Variants in SAMTOR observed in about 807,000 individuals in gnomAD.
SAMTOR encodes the protein S-adenosylmethionine sensor upstream of mTORC1, also known as UPF0532 protein C7orf60.
At chr7:112,847,502 G>A in the SAMTOR span, among the ~76,000 whole-genome samples, 1 of 152,186 alleles carries the variant, frequency 6.6e-6, no homozygotes, top group African/African-American at 2.4e-5. Context: ...CTATAGGCCA[G>A]GCATGGTGGC....
the SAMTOR span, among the ~76,000 whole-genome samples, chr7:112,907,103 T>A: frequency 1.3e-5 from 2 of 152,094 alleles, no homozygotes; most frequent in Non-Finnish European, 2.9e-5. Context: ...GCATTGTAAG[T>A]CTTTATGATT....
chr7:112,916,308 T>C, the SAMTOR span, among the ~76,000 whole-genome samples: 14 of 152,334 alleles, frequency 9.2e-5, no homozygotes, highest in South Asian at 2.9e-3. Context: ...AGGACATTAA[T>C]GCAACTGTAA....
the SAMTOR span, among the ~76,000 whole-genome samples, chr7:112,928,054 A>G: frequency 6.6e-6 from 1 of 152,180 alleles, no homozygotes; most frequent in African/African-American, 2.4e-5. Flanking sequence ...GACAACTAGG[A>G]AAGAATAGCA....
chr7:112,938,712 G>A, the SAMTOR span, among the ~76,000 whole-genome samples: 1 of 152,146 alleles, frequency 6.6e-6, no homozygotes, highest in Non-Finnish European at 1.5e-5. Context: ...TTATAAAACA[G>A]CTGTGTACAA....
chr7:112,924,758 C>G, the SAMTOR span, among the ~76,000 whole-genome samples: 1 of 151,558 alleles, frequency 6.6e-6, no homozygotes, highest in Non-Finnish European at 1.5e-5. Context: ...TTAAGGTATT[C>G]GAGTTCAATC....
the SAMTOR span, among the ~76,000 whole-genome samples, chr7:112,822,854 T>C: frequency 1.1e-4 from 16 of 152,270 alleles, no homozygotes; most frequent in African/African-American, 3.8e-4. Flanking sequence ...AAACTTTAGT[T>C]CTTTGAAACT....
chr7:112,848,023 C>T, the SAMTOR span, among the ~76,000 whole-genome samples: 1 of 152,066 alleles, frequency 6.6e-6, no homozygotes, highest in African/African-American at 2.4e-5. Context: ...CATGGTAGTG[C>T]ATGCCTGTAG....
the SAMTOR span, among the ~76,000 whole-genome samples, chr7:112,891,032 T>C: frequency 6.6e-6 from 1 of 152,060 alleles, no homozygotes; most frequent in African/African-American, 2.4e-5. Context: ...GCTTAAAGAA[T>C]CAAAGGAAAA....
chr7:112,928,052 G>A, the SAMTOR span, among the ~76,000 whole-genome samples: 3 of 151,802 alleles, frequency 2.0e-5, no homozygotes, highest in African/African-American at 4.8e-5. Flanking sequence ...ATGACAACTA[G>A]GAAAGAATAG....
chr7:112,851,697 A>G, the SAMTOR span, among the ~76,000 whole-genome samples: 1 of 152,226 alleles, frequency 6.6e-6, no homozygotes, highest in African/African-American at 2.4e-5. Context: ...AAAAGAAGTA[A>G]TCAACAGAGT....
At chr7:112,918,860 C>T in the SAMTOR span, among the ~76,000 whole-genome samples, 3 of 152,178 alleles carry the variant, frequency 2.0e-5, no homozygotes, top group Non-Finnish European at 4.4e-5. Context: ...AAGGCCATTA[C>T]ATAATGGTAA....
At chr7:112,895,521 CATTAATACAGTT>C in the SAMTOR span, 3 of 1,346,730 alleles carry the variant, frequency 2.2e-6, no homozygotes, top group Non-Finnish European at 3.0e-6. Flanking sequence ...CATTATTTCA[CATTAATACAGTT>C]ATCCAGGATA....
chr7:112,939,342 G>A, the SAMTOR span: 1 of 569,584 alleles, frequency 1.8e-6, no homozygotes, highest in South Asian at 2.1e-5. Context: ...GGGGCTTGGA[G>A]GGGGTGGGGA....
chr7:112,855,494 A>C, the SAMTOR span, among the ~76,000 whole-genome samples: 1 of 152,160 alleles, frequency 6.6e-6, no homozygotes, highest in Non-Finnish European at 1.5e-5. Flanking sequence ...TTCAAGCCTC[A>C]TTCAGGTTTT....
the SAMTOR span, among the ~76,000 whole-genome samples, chr7:112,917,981 C>G: frequency 6.6e-6 from 1 of 152,218 alleles, no homozygotes; most frequent in African/African-American, 2.4e-5. Context: ...ATTGGTGTAC[C>G]TGAAAGTGAT....
the SAMTOR span, among the ~76,000 whole-genome samples, chr7:112,932,339 A>G: frequency 3.3e-5 from 5 of 152,192 alleles, no homozygotes; most frequent in Non-Finnish European, 7.3e-5. Flanking sequence ...ATTTACCATT[A>G]TATTTATAGA....
the SAMTOR span, among the ~76,000 whole-genome samples, chr7:112,867,792 C>T: frequency 2.0e-5 from 3 of 152,190 alleles, no homozygotes; most frequent in Non-Finnish European, 2.9e-5. Context: ...AAAAGCAAAA[C>T]ATGAAAAATT....
At chr7:112,912,692 T>A in the SAMTOR span, among the ~76,000 whole-genome samples, 1 of 151,508 alleles carries the variant, frequency 6.6e-6, no homozygotes, top group African/African-American at 2.4e-5. Context: ...AAAAAAAAAA[T>A]AAAGAAATTT....
At chr7:112,894,141 G>C in the SAMTOR span, among the ~76,000 whole-genome samples, 5 of 150,644 alleles carry the variant, frequency 3.3e-5, no homozygotes, top group Non-Finnish European at 7.4e-5. Flanking sequence ...TTATGGAATA[G>C]AGAGGCCTGG....
Sources: gnomAD v4.1 joint callset for allele counts (sites outside exome capture counted in the v4.1 genomes callset) on GRCh38, gnomAD v4.1.1 for gene constraint, MANE v1.5 for transcripts, NCBI Gene and HGNC (gene_info 2026-07-23, HGNC 2026-07-21) for gene names.